The following KIF21B variants were observed in gnomAD, a reference collection of about 807,000 sequenced individuals.
KIF21B encodes the protein kinesin-like protein KIF21B.
In KIF21B, 85 loss-of-function variants were observed where a neutral mutation model predicts 192.9. The observed-to-expected ratio is 0.44, with a 90% confidence interval of 0.37 to 0.53. KIF21B has a LOEUF of 0.53. Ranked by LOEUF, KIF21B falls within the 20% of genes least tolerant of loss-of-function variation. The pLI is 0.00. For missense variants in KIF21B, 1,716 were observed against 2,194.8 expected, an observed-to-expected ratio of 0.78 and a Z score of 4.36; for synonymous variants, 832 against 884.6, an observed-to-expected ratio of 0.94 and a Z score of 1.05.
chr1:200,998,572 A>G lies in KIF21B; in HGVS notation c.1889T>C (p.Val630Ala). 3.1e-6 allele frequency: 5 copies of G among 1,612,960 alleles called. No individual in the cohort carries two copies. In the Admixed American group the frequency reaches 8.3e-5, roughly 27 times the overall value. The change falls in exon 14 of 35, where the codon GTG becomes GCG. Residue 630 changes from valine to alanine, a missense_variant. Physicochemically the swap from Val to Ala is moderately conservative, Grantham distance 64. Around this residue, in one of 3 missense-constraint regions of KIF21B, gnomAD observed 1,087 missense variants for 1,316.6 expected, o/e 0.83. Transcript: ENST00000461742. The surrounding 1 kb of genome is among the most constrained non-coding windows in gnomAD (Gnocchi z 4.3). ...GTCGGCCAGGTCCGCCTGGAAGTTC[A>G]CCTCTATGGGGGCACAATCAGGCTC... ...DSDSDPEEKEVNFQADLADLT... is the reference protein window; with the variant it reads ...DSDSDPEEKEANFQADLADLT...
chr1:200,980,185 T>C (rs899423321), intron 29 of KIF21B, among the ~76,000 whole-genome samples: 3 of 152,352 alleles, frequency 2.0e-5, no homozygotes, highest in South Asian at 2.1e-4. Flanking sequence ...GCTTGTGTTA[T>C]AGTATGCGTG....
intron 27 of KIF21B, among the ~76,000 whole-genome samples, 200 bp from the exon 28 acceptor site, chr1:200,983,294 C>A (rs2279945): frequency 0.26 from 39,178 of 151,838 alleles, 6,076 homozygotes; most frequent in African/African-American, 0.43. Flanking sequence ...GACTCTCCCC[C>A]AGGAGTGGGC....
At position 200,971,920 on chromosome 1, in the gene KIF21B, AAC is replaced by A. The variant is rs1280286343; in HGVS notation, c.*1599_*1600del. 6.6e-6 allele frequency: 1 copy of A among 152,392 alleles called. No homozygotes were observed. The highest frequency in any genetic ancestry group is 1.5e-5 in the Non-Finnish European group (1 of 68,146). 9.4% of individuals were successfully genotyped at this position (152,392 alleles called of 1,614,324 possible). A position where few individuals can be genotyped will look rare whatever the true frequency, so the allele number is the denominator to read the frequency against. On this transcript the variant is annotated 3_prime_UTR_variant, in exon 35 of 35. Coordinates refer to ENST00000461742, the MANE Select transcript of KIF21B (RefSeq NM_001252102.2). ...AAGACGGAGAGGAGCCAAGGGCAGAAACACAGAACCACCTCTGGAAAGTCCAA... is the reference window on the plus strand; with the variant it reads ...AAGACGGAGAGGAGCCAAGGGCAGAAACAGAACCACCTCTGGAAAGTCCAA...
In KIF21B at chr1:200,990,556, A is replaced by G. The variant is rs1656618681; in HGVS notation, c.2835+20T>C. ...CAGGCAGAGGGGTGGAATGGAAGAG[A>G]AGGGGGAGGCAGGGCTCACCTTGAT... On this transcript the variant is annotated intron_variant, in intron 19 of 34. Coordinates refer to ENST00000461742, the MANE Select transcript of KIF21B (RefSeq NM_001252102.2). The surrounding 1 kb of genome is among the most constrained non-coding windows in gnomAD (Gnocchi z 5.4). 1 of 1,611,000 alleles carries G rather than the reference A, an allele frequency of 6.2e-7. No homozygotes were observed. The highest frequency in any genetic ancestry group is 8.5e-7 in the Non-Finnish European group (1 of 1,178,152).
At chr1:200,981,589 C>A (rs1382169364) in intron 28 of KIF21B, among the ~76,000 whole-genome samples, 2 of 152,210 alleles carry the variant, frequency 1.3e-5, no homozygotes, top group Non-Finnish European at 1.5e-5. Context: ...CCCCCATGCA[C>A]CCTGATCCCA....
chr1:200,996,622 G>A (rs1482734888), intron 14 of KIF21B, among the ~76,000 whole-genome samples: 1 of 152,174 alleles, frequency 6.6e-6, no homozygotes, highest in African/African-American at 2.4e-5. Context: ...GGGCAGGGGT[G>A]TTTTCATCTT....
intron 1 of KIF21B, among the ~76,000 whole-genome samples, chr1:201,015,619 G>A (rs775798172): frequency 1.3e-5 from 2 of 152,196 alleles, no homozygotes; most frequent in Non-Finnish European, 2.9e-5. Context: ...GGGCAGAGCA[G>A]AGCCAGGCTG....
chr1:201,006,419 G>A (rs1233126497), intron 3 of KIF21B, among the ~76,000 whole-genome samples: 1 of 152,210 alleles, frequency 6.6e-6, no homozygotes, highest in East Asian at 1.9e-4. Flanking sequence ...GCTGGGGAGT[G>A]GAATAAGGGA....
chr1:200,982,162 A>G lies in KIF21B; in HGVS notation c.3842+894T>C, dbSNP rs762119063. Among the ~76,000 whole-genome samples the G allele has an allele frequency of 1.3e-5, 2 of 152,128 alleles. No homozygotes were observed. Among genetic ancestry groups the G allele is most frequent in the Non-Finnish European group, 2.9e-5 (2 of 68,024 alleles). On this transcript the variant is annotated intron_variant, in intron 28 of 34. Coordinates refer to ENST00000461742, the MANE Select transcript of KIF21B (RefSeq NM_001252102.2). This position sits in a 1 kb window ranked among gnomAD's most constrained non-coding sequence, Gnocchi z 4.7. ...CCACACATGCACAAATAGCTCCCCA[A>G]GCTGCTCCAGCACCCTGCTTCTGAC...
chr1:201,009,065 T>A, intron 2 of KIF21B, 114 bp from the exon 3 acceptor site: 1 of 1,323,828 alleles, frequency 7.6e-7, no homozygotes. Context: ...GTTCCCCTGC[T>A]GCTTTCTTGG....
At chr1:200,997,398 TATC>T (rs1210311840) in intron 14 of KIF21B, among the ~76,000 whole-genome samples, 2 of 152,232 alleles carry the variant, frequency 1.3e-5, no homozygotes, top group African/African-American at 4.8e-5. Flanking sequence ...GCTCTAGCAC[TATC>T]AACTCCTTCA....
In KIF21B at chr1:200,972,528, G is replaced by A. The variant is rs554850887; in HGVS notation, c.*993C>T. ...GGGGGCGCTGGGCACAAGACCTCGC[G>A]AGTGAGAAGACACATGTGGTGCCGC... On this transcript the variant is annotated 3_prime_UTR_variant, in exon 35 of 35. Transcript: ENST00000461742. 1.3e-5 allele frequency: 2 copies of A among 152,754 alleles called. No homozygotes were observed. The highest frequency in any genetic ancestry group is 2.4e-5 in the African/African-American group (1 of 41,570). 9.5% of individuals were successfully genotyped at this position (152,754 alleles called of 1,614,324 possible).
Position 200,990,158 on chromosome 1 carries a change from C to A in KIF21B, c.3010G>T (p.Val1004Leu), listed in dbSNP as rs983020699. The A allele has an allele frequency of 1.2e-6, 2 of 1,613,822 alleles. No individual in the cohort carries two copies. Among genetic ancestry groups the A allele is most frequent in the East Asian group, 2.2e-5 (1 of 44,880 alleles). ...DGITDCQATI[V>L]QLEETKEELD... ...GATACCTTGGTCTCCTCCAGCTGCA[C>A]GATGGTGGCCTGGCAGTCGGTGATG... The change falls in exon 20 of 35, where the codon GTG becomes TTG. Residue 1004 changes from valine to leucine, a missense_variant. Coordinates refer to ENST00000461742, the MANE Select transcript of KIF21B (RefSeq NM_001252102.2). This position sits in a 1 kb window ranked among gnomAD's most constrained non-coding sequence, Gnocchi z 5.4.
Position 201,002,317 on chromosome 1 carries a change from C to G in KIF21B, c.1246G>C (p.Gly416Arg). 6.2e-7 allele frequency: 1 copy of G among 1,614,194 alleles called. No homozygotes were observed. The highest frequency in any genetic ancestry group is 1.1e-5 in the South Asian group (1 of 91,086). Reference sequence around the variant, plus strand: ...TTCTCTCGGAACAGATCACTATAGCCCTCAGCGCCATCCTCTCCTATCACT... The same window carrying G: ...TTCTCTCGGAACAGATCACTATAGCGCTCAGCGCCATCCTCTCCTATCACT... ...KRVIGEDGAE[G>R]YSDLFRENAM... The change falls in exon 9 of 35, where the codon GGC becomes CGC. Residue 416 changes from glycine (G) to arginine (R), a missense_variant. By Grantham distance (125) the Gly-to-Arg change is moderately radical (BLOSUM62 -2). Around this residue, in one of 3 missense-constraint regions of KIF21B, gnomAD observed 1,087 missense variants for 1,316.6 expected, o/e 0.83. Coordinates refer to ENST00000461742, the MANE Select transcript of KIF21B (RefSeq NM_001252102.2).
At position 201,008,769 on chromosome 1, in the gene KIF21B, C is replaced by G; in HGVS notation, c.447G>C (p.Glu149Asp). ...PEFKVSAQFL[E>D]LYNEEILDLF... ...TGCCCACCCTATGGGGCCACAGTAC[C>G]TCCAGAAACTGGGCGCTGACTTTGA... The change falls in exon 3 of 35, where the codon GAG becomes GAC. Residue 149 changes from glutamate (E) to aspartate (D), a missense_variant and splice_region_variant. Physicochemically the swap from Glu to Asp is conservative, Grantham distance 45 (BLOSUM62 2). This residue lies in a region of KIF21B where 1,087 missense variants were observed against 1,316.6 expected (regional missense o/e 0.83). Transcript: ENST00000461742. The G allele has an allele frequency of 6.3e-7, 1 of 1,595,228 alleles. No individual in the cohort carries two copies. Among genetic ancestry groups the G allele is most frequent in the East Asian group, 2.2e-5 (1 of 44,826 alleles).
Position 201,000,825 on chromosome 1 carries a change from T to C in KIF21B, c.1403-45A>G, listed in dbSNP as rs759575054. The C allele has an allele frequency of 6.9e-6, 11 of 1,603,896 alleles. No homozygotes were observed. Among genetic ancestry groups the C allele is most frequent in the African/African-American group, 4.0e-5 (3 of 74,594 alleles). On this transcript the variant is annotated intron_variant, in intron 9 of 34. Coordinates refer to ENST00000461742, the MANE Select transcript of KIF21B (RefSeq NM_001252102.2). This position sits in a 1 kb window ranked among gnomAD's most constrained non-coding sequence, Gnocchi z 6.0. ...AGAAGGGTGCGATAAAGAAGATAAA[T>C]AGGCCAGCGCGGTGGCTCAGACCTA...
chr1:201,003,788 G>T lies in KIF21B; in HGVS notation c.1017-7C>A, dbSNP rs370854171. On this transcript the variant is annotated splice_polypyrimidine_tract_variant and splice_region_variant and intron_variant, in intron 7 of 34. Coordinates refer to ENST00000461742, the MANE Select transcript of KIF21B (RefSeq NM_001252102.2). ...GGCGATCATGATGGTCTGGCTGGGG[G>T]TGCAGAAAGGCTGTTGTGAGGGTGA... The T allele has an allele frequency of 6.2e-7, 1 of 1,614,170 alleles. No individual in the cohort carries two copies. The highest frequency in any genetic ancestry group is 2.2e-5 in the East Asian group (1 of 44,886).
Position 200,998,435 on chromosome 1 carries a change from T to C in KIF21B, c.2026A>G (p.Asn676Asp). Residue 676 changes from asparagine to aspartate, a missense_variant, in exon 14 of 35, where the codon AAC becomes GAC. Asn to Asp is a conservative substitution (Grantham distance 23). Around this residue, in one of 3 missense-constraint regions of KIF21B, gnomAD observed 1,087 missense variants for 1,316.6 expected, o/e 0.83. Transcript: ENST00000461742. The surrounding 1 kb of genome is among the most constrained non-coding windows in gnomAD (Gnocchi z 4.3). ...QYEEKLILLQ[N>D]KIRDTQLERD... is the part of the protein sequence containing the mutation. ...TCCAGCTGTGTGTCTCGGATCTTGT[T>C]CTGCAGCAGAATCAGCTTTTCCTCA... 1 of 1,614,074 alleles carries C rather than the reference T, an allele frequency of 6.2e-7. No homozygotes were observed. The highest frequency in any genetic ancestry group is 8.5e-7 in the Non-Finnish European group (1 of 1,180,030).
chr1:201,005,438 A>G lies in KIF21B; in HGVS notation c.602T>C (p.Ile201Thr). Residue 201 changes from isoleucine (I) to threonine (T), a missense_variant, in exon 5 of 35, where the codon ATC (isoleucine) becomes ACC (threonine). Transcript: ENST00000461742. ...SRLIHSQEELIQCLKQGALSR... is the reference protein window; with the variant it reads ...SRLIHSQEELTQCLKQGALSR... ...CAGGGCCCCCTGCTTCAGGCACTGG[A>G]TCAGCTGGAAACAGAAGCAGAAGTG... is the stretch of plus-strand genomic sequence containing the variant. The G allele has an allele frequency of 6.2e-7, 1 of 1,606,582 alleles. No individual in the cohort carries two copies. The highest frequency in any genetic ancestry group is 8.5e-7 in the Non-Finnish European group (1 of 1,175,546).
Sources: gnomAD v4.1 joint callset for allele counts (sites outside exome capture counted in the v4.1 genomes callset) on GRCh38, gnomAD v4.1.1 for gene constraint, gnomAD v4.1.1 regional missense constraint, Gnocchi (gnomAD v3.1) non-coding constraint, MANE v1.5 for transcripts, NCBI Gene and HGNC (gene_info 2026-07-23, HGNC 2026-07-21) for gene names.